The following GREB1 variants were observed in gnomAD, a reference collection of about 807,000 sequenced individuals.
GREB1 encodes protein GREB1.
GREB1 carries 106 observed loss-of-function variants against 200.7 expected under a neutral mutation model. That is an observed-to-expected ratio of 0.53 (90% CI 0.45 to 0.62). The LOEUF (loss-of-function observed/expected upper bound fraction) is 0.62. Among genes scored for constraint, GREB1 ranks in the 20% least tolerant of loss-of-function variants. GREB1 has a pLI of 0.00. For synonymous variants in GREB1, 1,132 were observed against 1,092.4 expected, an observed-to-expected ratio of 1.04 and a Z score of -0.72; for missense variants, 2,243 against 2,556.8, an observed-to-expected ratio of 0.88 and a Z score of 2.65.
At chr2:11,532,924 C>T (rs2148493898), upstream of GREB1, among the ~76,000 whole-genome samples, 1 of 152,218 alleles carries the variant, frequency 6.6e-6, no homozygotes, top group African/African-American at 2.4e-5. Flanking sequence ...CTTCCAACAA[C>T]CTTATGATAG....
At chr2:11,539,156 G>T (rs1227454750) in intron 1 of GREB1, among the ~76,000 whole-genome samples, 1 of 151,108 alleles carries the variant, frequency 6.6e-6, no homozygotes, top group Non-Finnish European at 1.5e-5. Context: ...GGGCTCAAGC[G>T]ATCCTCCCAC....
In GREB1 at chr2:11,516,311, G is replaced by GGTGTGTGT. The variant is rs60141733; in HGVS notation, c.-159+33960_-159+33967dup. On this transcript the variant is annotated intron_variant, in intron 1 of 2. Transcript: ENST00000628795. Reference sequence around the variant, plus strand: ...ACCAAGTGCTGTAGATTTTCCTGCAGGTGTGTGTGTGTGTGTGTGTGTGTG... The same window carrying GGTGTGTGT: ...ACCAAGTGCTGTAGATTTTCCTGCAGGTGTGTGTGTGTGTGTGTGTGTGTGTGTGTGTG... Among the ~76,000 whole-genome samples, 1,347 of 143,944 alleles carry GGTGTGTGT rather than the reference G, an allele frequency of 9.4e-3. 20 individuals are homozygous for GGTGTGTGT. Among genetic ancestry groups the GGTGTGTGT allele is most frequent in the African/African-American group, 0.025 (966 of 38,790 alleles). 94.4% of individuals were successfully genotyped at this position (143,944 alleles called of 152,430 possible). A position where few individuals can be genotyped will look rare whatever the true frequency, so the allele number is the denominator to read the frequency against.
chr2:11,534,025 G>A (rs1477677264), upstream of GREB1: 2 of 152,104 alleles, frequency 1.3e-5, no homozygotes, highest in African/African-American at 4.8e-5. Flanking sequence ...TAATAAAAAG[G>A]GCAGCACCGT....
Position 11,640,291 on chromosome 2 carries a change from G to A in GREB1, c.5687G>A (p.Gly1896Asp). Residue 1896 changes from glycine to aspartate, a missense_variant and splice_region_variant, in exon 33 of 33, where the codon GGT (glycine) becomes GAT (aspartate). Gly to Asp is a moderately conservative substitution (Grantham distance 94). Around this residue, in one of 3 missense-constraint regions of GREB1, gnomAD observed 478 missense variants for 616.3 expected, o/e 0.78. Coordinates refer to ENST00000381486, the MANE Select transcript of GREB1 (RefSeq NM_014668.4). The surrounding 1 kb of genome is among the most constrained non-coding windows in gnomAD (Gnocchi z 4.6). Reference sequence around the variant, plus strand: ...CACACCTCTGCCGTTGTCCACGCAGGTGCGACGTTGTGTGTCATCTGTCAG... The same window carrying A: ...CACACCTCTGCCGTTGTCCACGCAGATGCGACGTTGTGTGTCATCTGTCAG... ...SFLKKFHFLKGATLCVICQDR... is the reference protein window; with the variant it reads ...SFLKKFHFLKDATLCVICQDR... 6.2e-7 allele frequency: 1 copy of A among 1,609,586 alleles called. No individual in the cohort carries two copies. The highest frequency in any genetic ancestry group is 8.5e-7 in the Non-Finnish European group (1 of 1,177,272).
At chr2:11,534,652 G>A (rs532150152) in intron 1 of GREB1, among the ~76,000 whole-genome samples, 1 of 152,270 alleles carries the variant, frequency 6.6e-6, no homozygotes, top group East Asian at 1.9e-4. Context: ...ATTGTTGAGT[G>A]GCTCAGTGAT....
At chr2:11,623,959 AATAAGG>A (rs1684218329) in intron 23 of GREB1, among the ~76,000 whole-genome samples, 1 of 150,852 alleles carries the variant, frequency 6.6e-6, no homozygotes, top group Non-Finnish European at 1.5e-5. Context: ...AAGCTCATAG[AATAAGG>A]ATATCAAGAA....
chr2:11,633,984 G>A lies in GREB1; in HGVS notation c.4992-147G>A. On this transcript the variant is annotated intron_variant, in intron 28 of 32. Coordinates refer to ENST00000381486, the MANE Select transcript of GREB1 (RefSeq NM_014668.4). This position sits in a 1 kb window ranked among gnomAD's most constrained non-coding sequence, Gnocchi z 4.1. ...GCGCCCGTGGGAAGCGCCCAGCAGG[G>A]TGCCTGGCCCTGGGGGGACTGTGCG... 1.4e-6 allele frequency: 1 copy of A among 712,864 alleles called. No homozygotes were observed. Among genetic ancestry groups the A allele is most frequent in the South Asian group, 1.7e-5 (1 of 57,986 alleles). 44.2% of individuals were successfully genotyped at this position (712,864 alleles called of 1,614,324 possible). A position where few individuals can be genotyped will look rare whatever the true frequency, so the allele number is the denominator to read the frequency against.
rs372644788 is a variant in GREB1 at position 11,618,494 on chromosome 2, G to T, written c.3619G>T (p.Gly1207Cys). 1.1e-5 allele frequency: 17 copies of T among 1,610,152 alleles called. No homozygotes were observed. Among genetic ancestry groups the T allele is most frequent in the Admixed American group, 1.7e-5 (1 of 59,652 alleles). The change falls in exon 22 of 33, where the codon GGC becomes TGC. Residue 1207 changes from glycine to cysteine, a missense_variant. This residue lies in a region of GREB1 where 587 missense variants were observed against 553.1 expected (regional missense o/e 1.06). Transcript: ENST00000381486. ...CCAGCCCGACTGTAGCCTCAGGACC[G>T]GCCAGAGGAGCGTCCAGGTGTCGGT... ...TPQPDCSLRTGQRSVQVSVTS... is the reference protein window; with the variant it reads ...TPQPDCSLRTCQRSVQVSVTS...
intron 7 of GREB1, among the ~76,000 whole-genome samples, chr2:11,583,028 G>T (rs564015245): frequency 1.6e-4 from 24 of 152,290 alleles, no homozygotes; most frequent in Admixed American, 8.5e-4. Flanking sequence ...GCTACATAAT[G>T]AGTCATCTCC....
At chr2:11,537,951 C>G (rs948859525) in intron 1 of GREB1, among the ~76,000 whole-genome samples, 1 of 152,000 alleles carries the variant, frequency 6.6e-6, no homozygotes, top group African/African-American at 2.4e-5. Flanking sequence ...AGCTTTTATG[C>G]ATTTATTGCA....
rs548406480 is a variant in GREB1, at chr2:11,483,374, T to G, written c.-159+993T>G. Reference sequence around the variant, plus strand: ...AGAGAGCACCCGAGGCTCCTGGCGCTTGGCACATGGTGAGCCCTCGGTAGG... The same window carrying G: ...AGAGAGCACCCGAGGCTCCTGGCGCGTGGCACATGGTGAGCCCTCGGTAGG... On this transcript the variant is annotated intron_variant, in intron 1 of 2. Coordinates refer to the GREB1 transcript ENST00000628795. Among the ~76,000 whole-genome samples, 5 of 151,546 alleles carry G rather than the reference T, an allele frequency of 3.3e-5. No homozygotes were observed. The East Asian group carries it at 9.9e-4, about 30-fold the overall frequency.
rs375840663 is a variant in GREB1, at chr2:11,634,155, C to T, written c.5016C>T (p.Asn1672=). ...GGGAGTTCTCCTGGTCGGAAAGGAA[C>T]GTGTCTTTGAAGCACATCATGCAGC... ...RSREFSWSER[N]VSLKHIMQHI... The change falls in exon 29 of 33, where the codon AAC becomes AAT. Residue 1672 remains asparagine, a synonymous_variant. Coordinates refer to ENST00000381486, the MANE Select transcript of GREB1 (RefSeq NM_014668.4). The T allele has an allele frequency of 4.3e-5, 69 of 1,614,112 alleles. No homozygotes were observed. Among genetic ancestry groups the T allele is most frequent in the East Asian group, 1.1e-4 (5 of 44,896 alleles).
Position 11,595,336 on chromosome 2 carries a change from G to A in GREB1, c.1782G>A (p.Gly594=). 3 of 1,614,040 alleles carry A rather than the reference G, an allele frequency of 1.9e-6. No individual in the cohort carries two copies. Among genetic ancestry groups the A allele is most frequent in the Non-Finnish European group, 2.5e-6 (3 of 1,179,918 alleles). The part of the protein sequence containing the change: ...QKEVNYELVT[G]KVDSLGAFFS... ...AAGTCAATTACGAGCTGGTTACGGG[G>A]AAGGTAGACTCGCTGGGGGCCTTCT... The change falls in exon 12 of 33, where the codon GGG becomes GGA. Residue 594 remains glycine (G), a synonymous_variant. Coordinates refer to ENST00000381486, the MANE Select transcript of GREB1 (RefSeq NM_014668.4).
rs528527880 is a variant in GREB1, at chr2:11,618,421, T to C, written c.3546T>C (p.Ser1182=). The change falls in exon 22 of 33, where the codon AGT becomes AGC. Residue 1182 remains serine, a synonymous_variant. Transcript: ENST00000381486. ...GTGAGAAACAGAGGCCCCGGGCAAG[T>C]CAGGGGCCACCCTCGGCCATCAGCA... ...APGEKQRPRA[S]QGPPSAISRH... is the part of the protein sequence containing the mutation. 6.2e-7 allele frequency: 1 copy of C among 1,608,928 alleles called. No individual in the cohort carries two copies. Among genetic ancestry groups the C allele is most frequent in the Middle Eastern group, 1.7e-4 (1 of 6,046 alleles).
At chr2:11,571,495 T>C (rs1678284080) in intron 4 of GREB1, among the ~76,000 whole-genome samples, 1 of 152,250 alleles carries the variant, frequency 6.6e-6, no homozygotes, top group African/African-American at 2.4e-5. Context: ...GGGATAAAGA[T>C]GTACGCGGTA....
At chr2:11,595,178 G>C in intron 11 of GREB1, 73 bp from the exon 12 acceptor site, 1 of 1,372,182 alleles carries the variant, frequency 7.3e-7, no homozygotes, top group Non-Finnish European at 1.0e-6. Flanking sequence ...AGGGTTAAGG[G>C]ACTAGTCTAG....
intron 1 of GREB1, among the ~76,000 whole-genome samples, chr2:11,515,038 C>T: frequency 6.6e-6 from 1 of 151,864 alleles, no homozygotes; most frequent in East Asian, 1.9e-4. Flanking sequence ...ATCTATCTAT[C>T]CATCCATCCA....
rs749639239 is a variant in GREB1, at chr2:11,638,770, G to C, written c.5647G>C (p.Val1883Leu). Reference sequence around the variant, plus strand: ...GCTGCTGTACCTCTGTGACTCTTTTGTGGGAGCTAGCTTTTTGAAAAAGTT... The same window carrying C: ...GCTGCTGTACCTCTGTGACTCTTTTCTGGGAGCTAGCTTTTTGAAAAAGTT... ...GLLLYLCDSF[V>L]GASFLKKFHF... The change falls in exon 32 of 33, where the codon GTG becomes CTG. Residue 1883 changes from valine to leucine, a missense_variant. Transcript: ENST00000381486. 3 of 1,614,148 alleles carry C rather than the reference G, an allele frequency of 1.9e-6. No individual in the cohort carries two copies. The South Asian group carries it at 3.3e-5, about 18-fold the overall frequency.
chr2:11,587,494 C>T (rs769898033), intron 9 of GREB1: 2 of 1,602,142 alleles, frequency 1.2e-6, no homozygotes, highest in East Asian at 4.5e-5. Flanking sequence ...CAGAATCAGG[C>T]CCCACTTCTG....
Sources: gnomAD v4.1 joint callset for allele counts (sites outside exome capture counted in the v4.1 genomes callset) on GRCh38, gnomAD v4.1.1 for gene constraint, gnomAD v4.1.1 regional missense constraint, Gnocchi (gnomAD v3.1) non-coding constraint, MANE v1.5 for transcripts, NCBI Gene and HGNC (gene_info 2026-07-23, HGNC 2026-07-21) for gene names.